Variants in FHL1 observed in about 807,000 individuals in gnomAD.
FHL1 encodes the protein four and a half LIM domains protein 1.
A neutral mutation model predicts 20.3 loss-of-function variants in FHL1; 1 was observed. The ratio of observed to expected loss-of-function variants is 0.05; its 90% CI spans 0.02 to 0.23. FHL1 has a LOEUF of 0.23. Ranked by LOEUF, FHL1 falls within the 10% of genes least tolerant of loss-of-function variation. FHL1 has a pLI of 1.00. For missense variants in FHL1, 177 were observed against 234.0 expected, an observed-to-expected ratio of 0.76 and a Z score of 1.59; for synonymous variants, 82 against 88.9, an observed-to-expected ratio of 0.92 and a Z score of 0.44.
exon 2 of FHL1, chrX:136,169,975 C>T (rs1333213632): frequency 6.1e-6 from 2 of 329,114 alleles, no homozygotes; most frequent in African/African-American, 2.7e-5. Context: ...ACACATCCAG[C>T]GTGAGGTAAG....
Position 136,206,155 on chromosome X carries a change from C to A in FHL1, c.23-252C>A, listed in dbSNP as rs17284031. On this transcript the variant is annotated intron_variant, in intron 1 of 5. Transcript: ENST00000370683. ...CACAGTTGATATATCTGAGCAGGGG[C>A]TTCTACCATCTCCCCAGGGAATCAC... 6.8e-6 allele frequency: 3 copies of A among 441,375 alleles called. No individual in the cohort carries two copies. In the African/African-American group the frequency reaches 7.3e-5, roughly 11 times the overall value. 36.4% of individuals were successfully genotyped at this position (441,375 alleles called of 1,213,427 possible).
At chrX:136,159,024 A>ATG (rs1250763583) in intron 1 of FHL1, among the ~76,000 whole-genome samples, 1 of 110,356 alleles carries the variant, frequency 9.1e-6, no homozygotes, top group Non-Finnish European at 1.9e-5. Context: ...ATTGGGACAA[A>ATG]TGTACCACAT....
chrX:136,204,476 G>A (rs1451813216), intron 1 of FHL1, among the ~76,000 whole-genome samples: 2 of 112,433 alleles, frequency 1.8e-5, no homozygotes, highest in Non-Finnish European at 3.8e-5. Flanking sequence ...TGTGTCCATT[G>A]CGTCTCTAGT....
At chrX:136,187,735 C>G (rs1339361433) in intron 2 of FHL1, among the ~76,000 whole-genome samples, 1 of 111,644 alleles carries the variant, frequency 9.0e-6, no homozygotes, top group African/African-American at 3.3e-5. Flanking sequence ...CTAAGAGGTC[C>G]AGGATTTCTT....
chrX:136,208,860 C>G (rs1221579585), intron 5 of FHL1, among the ~76,000 whole-genome samples: 1 of 105,590 alleles, frequency 9.5e-6, no homozygotes, highest in African/African-American at 3.5e-5. Flanking sequence ...ACTAACAATG[C>G]TGAGAGTTCA....
rs752366165 is a variant in FHL1, at chrX:136,208,557, G to A, written c.652G>A (p.Ala218Thr). The change falls in exon 5 of 6, where the codon GCT becomes ACT. Residue 218 changes from alanine (A) to threonine (T), a missense_variant. Transcript: ENST00000370683. ...SKKLAGQRFT[A>T]VEDQYYCVDC... is the part of the protein sequence containing the mutation. ...GAAGCTGGCTGGGCAGCGTTTCACCGCTGTGGAGGACCAGTATTACTGCGT... is the reference window on the plus strand; with the variant it reads ...GAAGCTGGCTGGGCAGCGTTTCACCACTGTGGAGGACCAGTATTACTGCGT... 5.1e-5 allele frequency: 62 copies of A among 1,211,374 alleles called. No individual in the cohort carries two copies. The highest frequency in any genetic ancestry group is 1.6e-4 in the South Asian group (9 of 56,955).
chrX:136,171,290 A>C (rs936682305), intron 2 of FHL1, among the ~76,000 whole-genome samples: 13 of 111,308 alleles, frequency 1.2e-4, no homozygotes, highest in African/African-American at 4.2e-4. Flanking sequence ...AAAAAATACA[A>C]ATCTTTAGAT....
upstream of FHL1, among the ~76,000 whole-genome samples, chrX:136,167,350 C>CA (rs2072738943): frequency 9.1e-6 from 1 of 110,302 alleles, no homozygotes. Flanking sequence ...GGACTACAGA[C>CA]ACACGCCACC....
chrX:136,207,640 A>G (rs1424261130), intron 3 of FHL1, 152 bp from the exon 4 acceptor site: 4 of 572,879 alleles, frequency 7.0e-6, no homozygotes, highest in African/African-American at 2.3e-5. Context: ...CACAAGCACA[A>G]GTAGAACACA....
At chrX:136,161,641 T>C (rs2072569325) in intron 1 of FHL1, among the ~76,000 whole-genome samples, 2 of 112,140 alleles carry the variant, frequency 1.8e-5, no homozygotes. Flanking sequence ...GGCTAATTGA[T>C]GGGAGCAGAG....
upstream of FHL1, chrX:136,196,706 C>A: frequency 1.5e-6 from 1 of 669,879 alleles, no homozygotes; most frequent in Non-Finnish European, 2.2e-6. Context: ...TTTACAGGGC[C>A]AAATGCAAGC....
intron 2 of FHL1, among the ~76,000 whole-genome samples, chrX:136,178,938 G>A (rs1228345672): frequency 9.1e-6 from 1 of 110,456 alleles, no homozygotes; most frequent in Non-Finnish European, 1.9e-5. Flanking sequence ...GGTATTTTTA[G>A]TAGAGACGGG....
Position 136,207,778 on chromosome X carries a change from G to A in FHL1, c.380-14G>A. The A allele has an allele frequency of 8.3e-7, 1 of 1,211,311 alleles. No individual in the cohort carries two copies. Among genetic ancestry groups the A allele is most frequent in the Non-Finnish European group, 1.1e-6 (1 of 895,159 alleles). On this transcript the variant is annotated splice_polypyrimidine_tract_variant and intron_variant, in intron 3 of 5. Transcript: ENST00000370683. ...AGCCTGTCAGTGGGGCTATCCAATT[G>A]CTTCCCTCTGCAGGAGATCAAAACG...
chrX:136,208,337 T>G, intron 4 of FHL1, 118 bp from the exon 5 acceptor site: 1 of 757,301 alleles, frequency 1.3e-6, no homozygotes, highest in Non-Finnish European at 2.0e-6. Flanking sequence ...CCCATGGCTG[T>G]TGTGGAGATT....
intron 2 of FHL1, among the ~76,000 whole-genome samples, chrX:136,176,702 G>C (rs2073011581): frequency 9.0e-6 from 1 of 111,431 alleles, no homozygotes; most frequent in Non-Finnish European, 1.9e-5. Context: ...GCAAGTCAGA[G>C]ATATGTCTGG....
chrX:136,148,044 A>G lies in FHL1; in HGVS notation c.-101+416A>G, dbSNP rs1438534578. On this transcript the variant is annotated intron_variant, in intron 1 of 7. Coordinates refer to the FHL1 transcript ENST00000394155. ...AAGGGGGGGCCCTGGTTTTGTCACCAAGGATGGCGGGCAGTGGGGGGTGGG... is the reference window on the plus strand; with the variant it reads ...AAGGGGGGGCCCTGGTTTTGTCACCGAGGATGGCGGGCAGTGGGGGGTGGG... 8.8e-4 allele frequency: 57 copies of G among 65,098 alleles called. 2 individuals carry two copies. The highest frequency in any genetic ancestry group is 1.2e-4 in the African/African-American group (2 of 16,162). The allele number at this position is 65,098 out of a possible 1,213,427, so 5.4% of individuals were successfully genotyped here. A position where few individuals can be genotyped will look rare whatever the true frequency, so the allele number is the denominator to read the frequency against.
chrX:136,155,184 C>T (rs1386842889), intron 1 of FHL1, among the ~76,000 whole-genome samples: 3 of 111,436 alleles, frequency 2.7e-5, no homozygotes, highest in Non-Finnish European at 5.7e-5. Flanking sequence ...CCAGGCTCTC[C>T]GTGGATCCAT....
chrX:136,175,541 T>A (rs2072979606), intron 2 of FHL1, among the ~76,000 whole-genome samples: 1 of 111,227 alleles, frequency 9.0e-6, no homozygotes, highest in Non-Finnish European at 1.9e-5. Context: ...GTGTTATTTG[T>A]GAGGACAAAA....
In FHL1 at chrX:136,210,972, GTCA is replaced by G; in HGVS notation, c.*951_*953del. ...GGGGAGTTGAGCAGGCGCCAGGGCT[GTCA>G]TCAACATGGATATGACATTTCACAA... On this transcript the variant is annotated 3_prime_UTR_variant, in exon 6 of 6. Transcript: ENST00000370683. The G allele has an allele frequency of 2.6e-6, 1 of 379,093 alleles. No homozygotes were observed. The allele number at this position is 379,093 out of a possible 1,213,427, so 31.2% of individuals were successfully genotyped here.
Sources: gnomAD v4.1 joint callset for allele counts (sites outside exome capture counted in the v4.1 genomes callset) on GRCh38, gnomAD v4.1.1 for gene constraint, MANE v1.5 for transcripts, NCBI Gene and HGNC (gene_info 2026-07-23, HGNC 2026-07-21) for gene names.